Variants in ASMTL observed in about 807,000 individuals in gnomAD.
ASMTL encodes the protein probable bifunctional dTTP/UTP pyrophosphatase/methyltransferase protein.
ASMTL carries 57 observed loss-of-function variants against 60.3 expected under a neutral mutation model. That is an observed-to-expected ratio of 0.95 (90% CI 0.76 to 1.18). The LOEUF is 1.18. Among genes scored for constraint, ASMTL ranks in the 50% most tolerant of loss-of-function variants. The pLI, the probability that ASMTL is intolerant of heterozygous loss-of-function variation, is 0.00. For synonymous variants in ASMTL, 419 were observed against 373.0 expected, an observed-to-expected ratio of 1.12 and a Z score of -1.42; for missense variants, 981 against 852.6, an observed-to-expected ratio of 1.15 and a Z score of -1.88.
chrX:1,416,232 T>G (rs2090249927), intron 11 of ASMTL, among the ~76,000 whole-genome samples: 1 of 121,068 alleles, frequency 8.3e-6, no homozygotes, highest in Admixed American at 8.4e-5. Context: ...GACGCAGACA[T>G]GCACAGATGG....
intron 8 of ASMTL, among the ~76,000 whole-genome samples, chrX:1,422,232 A>G (rs1260792952): frequency 6.6e-6 from 1 of 152,072 alleles, no homozygotes; most frequent in East Asian, 1.9e-4. Flanking sequence ...TGCATCTACC[A>G]TCAGTTTGAC....
chrX:1,419,282 CTG>C, intron 9 of ASMTL, 168 bp from the exon 10 acceptor site: 1 of 266,042 alleles, frequency 3.8e-6, no homozygotes, highest in South Asian at 1.4e-4. Flanking sequence ...CTACTCTTGT[CTG>C]TGTGGGGGCT....
At chrX:1,417,506 G>T (rs1223945169) in intron 11 of ASMTL, among the ~76,000 whole-genome samples, 1 of 88,190 alleles carries the variant, frequency 1.1e-5, no homozygotes, top group Admixed American at 1.3e-4. Flanking sequence ...CATGCACACA[G>T]ATACAGACAC....
chrX:1,420,818 G>C (rs565315378), intron 9 of ASMTL, among the ~76,000 whole-genome samples: 1 of 152,140 alleles, frequency 6.6e-6, no homozygotes, highest in South Asian at 2.1e-4. Context: ...TTTTCAGACA[G>C]AGTCTTGTTC....
chrX:1,424,969 TCCC>T (rs1208261296), intron 8 of ASMTL, among the ~76,000 whole-genome samples: 99,445 of 148,630 alleles, frequency 0.67, 34,208 homozygotes, highest in South Asian at 0.87. Context: ...CATCCATCCA[TCCC>T]TCCTCCCATC....
At chrX:1,414,948 TTA>T (rs1261830580) in intron 11 of ASMTL, among the ~76,000 whole-genome samples, 6 of 128,108 alleles carry the variant, frequency 4.7e-5, no homozygotes, top group Non-Finnish European at 8.6e-5. Context: ...TTTTATTTTT[TTA>T]TTTTTTTTGA....
intron 3 of ASMTL, 56 bp downstream of exon 3, chrX:1,439,041 C>G (rs2149337855): frequency 6.3e-7 from 1 of 1,579,206 alleles, no homozygotes; most frequent in Non-Finnish European, 8.7e-7. Flanking sequence ...GCAGAATCAC[C>G]AAGCACAGGA....
Position 1,434,749 on chromosome X carries a change from C to T in ASMTL, c.400+273G>A, listed in dbSNP as rs747748676. On this transcript the variant is annotated intron_variant, in intron 5 of 12. Coordinates refer to ENST00000381317, the MANE Select transcript of ASMTL (RefSeq NM_004192.4). ...GGCGGAGGTTGCAGTGAGCTGAGAT[C>T]GTGCCACTGCCCTCCAGCCTGGGTA... Among the ~76,000 whole-genome samples, 5 of 148,248 alleles carry T rather than the reference C, an allele frequency of 3.4e-5. No individual in the cohort carries two copies. In the East Asian group the frequency reaches 7.9e-4, roughly 24 times the overall value.
At position 1,427,944 on chromosome X, in the gene ASMTL, G is replaced by T; in HGVS notation, c.687C>A (p.Ile229=). Residue 229 remains isoleucine, a synonymous_variant, in exon 7 of 13, where the codon ATC becomes ATA. Transcript: ENST00000381317. ...DLRRSVKHDS[I]PAADTFEDLS... ...GGTCTTCGAAGGTGTCCGCGGCCGG[G>T]ATGGAGTCGTGCTTGACACTCCGCC... 6.2e-7 allele frequency: 1 copy of T among 1,613,512 alleles called. No individual in the cohort carries two copies. The highest frequency in any genetic ancestry group is 1.1e-5 in the South Asian group (1 of 91,068).
At chrX:1,407,984 C>T (rs1442050588) in intron 12 of ASMTL, among the ~76,000 whole-genome samples, 11 of 151,942 alleles carry the variant, frequency 7.2e-5, no homozygotes, top group South Asian at 2.1e-4. Flanking sequence ...GCAGGAGGAT[C>T]GCTTGAGCCC....
rs1292557996 is a variant in ASMTL, at chrX:1,432,445, G to A, written c.401-68C>T. 13 of 1,219,228 alleles carry A rather than the reference G, an allele frequency of 1.1e-5. No homozygotes were observed. The African/African-American group carries it at 1.6e-4, about 15-fold the overall frequency. 75.5% of individuals were successfully genotyped at this position (1,219,228 alleles called of 1,614,324 possible). On this transcript the variant is annotated intron_variant, in intron 5 of 12. Transcript: ENST00000381317. ...GTCACCTCCGTGCCCTGACAGCTGCGTGGCTGTGCTGTGGAGGTGTGTACT... is the reference window on the plus strand; with the variant it reads ...GTCACCTCCGTGCCCTGACAGCTGCATGGCTGTGCTGTGGAGGTGTGTACT...
At chrX:1,449,718 AT>A (rs2091308309) in intron 1 of ASMTL, among the ~76,000 whole-genome samples, 3 of 128,068 alleles carry the variant, frequency 2.3e-5, no homozygotes, top group Non-Finnish European at 4.7e-5. Flanking sequence ...ACCAGTAACT[AT>A]CCACCATCAC....
At chrX:1,430,018 A>G (rs1311668911) in intron 6 of ASMTL, among the ~76,000 whole-genome samples, 1 of 145,912 alleles carries the variant, frequency 6.9e-6, no homozygotes, top group Non-Finnish European at 1.5e-5. Flanking sequence ...GTCTCACTTA[A>G]TTTTTTTTTT....
intron 1 of ASMTL, among the ~76,000 whole-genome samples, chrX:1,444,124 G>A (rs771860130): frequency 7.9e-5 from 12 of 151,738 alleles, no homozygotes; most frequent in African/African-American, 1.5e-4. Flanking sequence ...GTCCAACCCC[G>A]CAATCAATTT....
chrX:1,432,407 T>C, intron 5 of ASMTL, 30 bp from the exon 6 acceptor site: 3 of 1,577,040 alleles, frequency 1.9e-6, no homozygotes, highest in Non-Finnish European at 1.7e-6. Context: ...GGGGTGAGCG[T>C]GGACGCCAGC....
rs2091431520 is a variant in ASMTL at position 1,452,877 on chromosome X, A to G, written c.-37T>C. ...CGGGAGCCGGGCGTCCGCACTTCTG[A>G]GCCCGGAGCCCGCGGTGCGCGCAGC... On this transcript the variant is annotated 5_prime_UTR_variant, in exon 1 of 13. Transcript: ENST00000381317. 7 of 1,443,866 alleles carry G rather than the reference A, an allele frequency of 4.8e-6. No homozygotes were observed. The highest frequency in any genetic ancestry group is 5.5e-6 in the Non-Finnish European group (6 of 1,085,584). 89.4% of individuals were successfully genotyped at this position (1,443,866 alleles called of 1,614,324 possible). A position where few individuals can be genotyped will look rare whatever the true frequency, so the allele number is the denominator to read the frequency against.
chrX:1,453,059 C>T, upstream of ASMTL: 1 of 522,184 alleles, frequency 1.9e-6, no homozygotes, highest in South Asian at 2.3e-5. Flanking sequence ...AGGCCTCGCC[C>T]AGGCCACACC....
intron 12 of ASMTL, among the ~76,000 whole-genome samples, chrX:1,411,490 C>CAGCAGCCCCACTGGGCTCCAGG (rs1186749807): frequency 1.9e-4 from 29 of 152,280 alleles, no homozygotes; most frequent in African/African-American, 6.3e-4. Context: ...CCAGGGTTTC[C>CAGCAGCCCCACTGGGCTCCAGG]AGCAGCCCCA....
At chrX:1,422,411 C>G (rs1427425928) in intron 8 of ASMTL, among the ~76,000 whole-genome samples, 3 of 152,100 alleles carry the variant, frequency 2.0e-5, no homozygotes, top group Admixed American at 2.0e-4. Flanking sequence ...TTTGGACTTG[C>G]CAGCCTACAC....
Sources: gnomAD v4.1 joint callset for allele counts (sites outside exome capture counted in the v4.1 genomes callset) on GRCh38, gnomAD v4.1.1 for gene constraint, MANE v1.5 for transcripts, NCBI Gene and HGNC (gene_info 2026-07-23, HGNC 2026-07-21) for gene names.